MTOR: variants seen among roughly 807,000 people sequenced by gnomAD.
MTOR encodes the protein mechanistic target of rapamycin kinase, also known as serine/threonine-protein kinase mTOR.
Under a neutral mutation model 319.8 loss-of-function variants are expected in MTOR, and 70 were observed. That is an observed-to-expected ratio of 0.22 (90% CI 0.18 to 0.27). The LOEUF is 0.27. MTOR is among the 10% of genes least tolerant of loss of function. MTOR has a pLI of 1.00. For missense variants in MTOR, 1,890 were observed against 3,274.4 expected, an observed-to-expected ratio of 0.58 and a Z score of 10.32; for synonymous variants, 1,183 against 1,211.4, an observed-to-expected ratio of 0.98 and a Z score of 0.49.
intron 6 of MTOR, among the ~76,000 whole-genome samples, chr1:11,251,795 G>GA (rs1480266036): frequency 1.3e-5 from 2 of 151,712 alleles, no homozygotes; most frequent in Non-Finnish European, 2.9e-5. Context: ...CCCAGCCTTG[G>GA]ATAGTTTCTT....
rs775716924 is a variant in MTOR at position 11,212,940 on chromosome 1, T to G, written c.3286-32A>C. 1.3e-6 allele frequency: 2 copies of G among 1,551,008 alleles called. No individual in the cohort carries two copies. The highest frequency in any genetic ancestry group is 1.7e-5 in the Admixed American group (1 of 59,894). Reference sequence around the variant, plus strand: ...AAGGGAGCAAAAGCATGGTGATGAATAGTCAGGTCCCAAGTATCTAAGGAC... The same window carrying G: ...AAGGGAGCAAAAGCATGGTGATGAAGAGTCAGGTCCCAAGTATCTAAGGAC... On this transcript the variant is annotated intron_variant, in intron 21 of 57. Transcript: ENST00000361445. This position sits in a 1 kb window ranked among gnomAD's most constrained non-coding sequence, Gnocchi z 4.1.
rs773141278 is a variant in MTOR, at chr1:11,192,234, G to A, written c.4253+7024C>T. On this transcript the variant is annotated intron_variant, in intron 28 of 57. Coordinates refer to ENST00000361445, the MANE Select transcript of MTOR (RefSeq NM_004958.4). ...CACTCAACTCAGATGGAGCCACTGG[G>A]TCTAAATGCTCACCCTGTGGTTTGT... is the stretch of plus-strand genomic sequence containing the variant. 5 of 1,497,412 alleles carry A rather than the reference G, an allele frequency of 3.3e-6. No individual in the cohort carries two copies. The South Asian group carries it at 5.7e-5, about 17-fold the overall frequency. The allele number at this position is 1,497,412 out of a possible 1,614,324, so 92.8% of individuals were successfully genotyped here.
chr1:11,140,926 G>C (rs1643667751), intron 34 of MTOR, among the ~76,000 whole-genome samples: 1 of 145,662 alleles, frequency 6.9e-6, no homozygotes, highest in Non-Finnish European at 1.5e-5. Context: ...TTGTTTTTAA[G>C]TTGGTAGCAT....
intron 34 of MTOR, 189 bp downstream of exon 34, chr1:11,144,459 A>T (rs1643858790): frequency 1.9e-6 from 1 of 536,920 alleles, no homozygotes; most frequent in Non-Finnish European, 3.3e-6. Context: ...AAAATTGGTC[A>T]TTCTCTCACA....
At chr1:11,230,484 T>C (rs1285569058) in intron 18 of MTOR, among the ~76,000 whole-genome samples, 1 of 152,204 alleles carries the variant, frequency 6.6e-6, no homozygotes, top group Non-Finnish European at 1.5e-5. Flanking sequence ...AAATTTCTGA[T>C]TGCTGCTAGT....
intron 28 of MTOR, chr1:11,195,045 G>A (rs745514484): frequency 4.3e-6 from 7 of 1,610,718 alleles, no homozygotes; most frequent in African/African-American, 2.7e-5. Context: ...CGTGGAGCAC[G>A]GATACAGAAA....
intron 26 of MTOR, among the ~76,000 whole-genome samples, chr1:11,201,581 T>C (rs929289652): frequency 6.6e-6 from 1 of 152,188 alleles, no homozygotes; most frequent in African/African-American, 2.4e-5. Context: ...CACCATTTTA[T>C]GCCTCATTAT....
intron 53 of MTOR, among the ~76,000 whole-genome samples, chr1:11,113,664 G>A (rs1382323234): frequency 6.6e-6 from 1 of 151,958 alleles, no homozygotes; most frequent in Non-Finnish European, 1.5e-5. Flanking sequence ...AGGCTAGAGT[G>A]CAGCAGTGGC....
chr1:11,248,551 C>T (rs1649155529), intron 6 of MTOR, among the ~76,000 whole-genome samples: 1 of 152,234 alleles, frequency 6.6e-6, no homozygotes, highest in Non-Finnish European at 1.5e-5. Context: ...GTGGCTCATG[C>T]CTGTAATTCC....
At position 11,233,405 on chromosome 1, in the gene MTOR, A is replaced by G. The variant is rs1647088848; in HGVS notation, c.2414T>C (p.Leu805Ser). The G allele has an allele frequency of 6.2e-7, 1 of 1,613,892 alleles. No homozygotes were observed. The highest frequency in any genetic ancestry group is 8.5e-7 in the Non-Finnish European group (1 of 1,179,942). Residue 805 changes from leucine (L) to serine (S), a missense_variant, in exon 15 of 58, where the codon TTG becomes TCG. By Grantham distance (145) the Leu-to-Ser change is moderately radical. Coordinates refer to ENST00000361445, the MANE Select transcript of MTOR (RefSeq NM_004958.4). ...AAGTAGCTGCCCCTTTACCTGTGCC[A>G]ATTCTCCTATTGTTGCCAGGACATT... ...INNVLATIGELAQVSGLEMRK... is the reference protein window; with the variant it reads ...INNVLATIGESAQVSGLEMRK...
intron 28 of MTOR, among the ~76,000 whole-genome samples, chr1:11,179,897 T>C (rs529587286): frequency 8.5e-5 from 13 of 152,314 alleles, no homozygotes; most frequent in South Asian, 2.1e-4. Context: ...AGCACGAACA[T>C]AGAAGTTTGG....
rs1035209585 is a variant in MTOR, at chr1:11,127,914, A to G, written c.6033+90T>C. The G allele has an allele frequency of 1.3e-6, 2 of 1,588,130 alleles. No individual in the cohort carries two copies. The highest frequency in any genetic ancestry group is 2.2e-5 in the East Asian group (1 of 44,692). ...TTTCCAGCAGTCAGAGGAAGTGCAC[A>G]GCACCAATGCGAGGAAGAAAAACAA... On this transcript the variant is annotated intron_variant, in intron 43 of 57. Transcript: ENST00000361445. This position sits in a 1 kb window ranked among gnomAD's most constrained non-coding sequence, Gnocchi z 5.5.
intron 31 of MTOR, among the ~76,000 whole-genome samples, chr1:11,148,811 T>C (rs1347617092): frequency 2.0e-5 from 3 of 151,994 alleles, no homozygotes; most frequent in Non-Finnish European, 2.9e-5. Flanking sequence ...AGGCAGAGAA[T>C]TGCTTGAACC....
At chr1:11,114,208 T>A (rs1642043644) in intron 53 of MTOR, 110 bp downstream of exon 53, 2 of 1,350,482 alleles carry the variant, frequency 1.5e-6, no homozygotes, top group Non-Finnish European at 2.1e-6. Context: ...TTGCCCAGGC[T>A]GGTCTCGAAC....
At chr1:11,116,169 T>G (rs1010343903) in intron 50 of MTOR, among the ~76,000 whole-genome samples, 6 of 152,222 alleles carry the variant, frequency 3.9e-5, no homozygotes, top group Non-Finnish European at 7.3e-5. Context: ...ACATGTTCAG[T>G]CAGTACACTT....
At chr1:11,253,229 C>A (rs1293007348) in intron 6 of MTOR, among the ~76,000 whole-genome samples, 1 of 152,156 alleles carries the variant, frequency 6.6e-6, no homozygotes, top group African/African-American at 2.4e-5. Context: ...TAATAAAATC[C>A]ATGCACTTTT....
At chr1:11,165,470 A>G (rs1397737033) in intron 29 of MTOR, among the ~76,000 whole-genome samples, 26 of 152,040 alleles carry the variant, frequency 1.7e-4, no homozygotes, top group Non-Finnish European at 2.8e-4. Context: ...AGAGAGCCAA[A>G]TCATGAGTGA....
intron 19 of MTOR, among the ~76,000 whole-genome samples, chr1:11,227,873 C>A (rs1646896582): frequency 6.6e-6 from 1 of 152,080 alleles, no homozygotes; most frequent in Non-Finnish European, 1.5e-5. Context: ...CAAAGTGTCA[C>A]CCCACAGATT....
At chr1:11,252,346 A>C (rs1029308471) in intron 6 of MTOR, among the ~76,000 whole-genome samples, 8 of 151,876 alleles carry the variant, frequency 5.3e-5, no homozygotes, top group African/African-American at 1.9e-4. Context: ...TCTTTTGCCC[A>C]GGCTGGTCAC....
Sources: allele counts gnomAD v4.1 joint callset (sites outside exome capture counted in the v4.1 genomes callset), GRCh38; gene constraint gnomAD v4.1.1; non-coding constraint Gnocchi (gnomAD v3.1); transcripts MANE v1.5; gene names NCBI Gene and HGNC (gene_info 2026-07-23, HGNC 2026-07-21).